EMC9: variants seen among roughly 807,000 people sequenced by gnomAD.
EMC9 encodes the protein UPF0172 protein FAM158A.
Under a neutral mutation model 25.0 loss-of-function variants are expected in EMC9, and 20 were observed. That is an observed-to-expected ratio of 0.80 (90% CI 0.56 to 1.16). The LOEUF is 1.16. Among genes scored for constraint, EMC9 ranks in the 50% most tolerant of loss-of-function variants. The pLI is 0.00. For missense variants in EMC9, 256 were observed against 268.7 expected (o/e 0.95, Z 0.33); for synonymous variants, 100 against 107.0 (o/e 0.93, Z 0.40).
At position 24,139,072 on chromosome 14, in the gene EMC9, G is replaced by A. The variant is rs1566603625; in HGVS notation, c.565C>T (p.Gln189Ter). 6.2e-7 allele frequency: 1 copy of A among 1,614,030 alleles called. No individual in the cohort carries two copies. The highest frequency in any genetic ancestry group is 1.3e-5 in the African/African-American group (1 of 75,038). The change falls in exon 6 of 6, where the codon CAG (glutamine) becomes TAG (stop). Residue 189 changes from glutamine to a stop codon, truncating the protein, a stop_gained. Coordinates refer to ENST00000216799, the MANE Select transcript of EMC9 (RefSeq NM_016049.4). LOFTEE classifies it high-confidence loss of function. This position sits in a 1 kb window ranked among gnomAD's most constrained non-coding sequence, Gnocchi z 4.6. Reference protein sequence around the residue: ...LDDIRQDWTNQRLNTQITQWV... With the variant: ...LDDIRQDWTN ...TGGGTGATTTGAGTGTTGAGCCGCT[G>A]GTTGGTCCAGTCCTGCCGGATGTCA...
rs2038059658 is a variant in EMC9 at position 24,141,420 on chromosome 14, T to G, written c.-13+18A>C. 1 of 1,091,740 alleles carries G rather than the reference T, an allele frequency of 9.2e-7. No homozygotes were observed. The highest frequency in any genetic ancestry group is 1.3e-6 in the Non-Finnish European group (1 of 746,220). The allele number at this position is 1,091,740 out of a possible 1,614,324, so 67.6% of individuals were successfully genotyped here. A position where few individuals can be genotyped will look rare whatever the true frequency, so the allele number is the denominator to read the frequency against. On this transcript the variant is annotated intron_variant, in intron 1 of 5. Transcript: ENST00000216799. The stretch of plus-strand genomic sequence containing the variant: ...AGCGCTTCGGCACGCTCTTTGACCC[T>G]TCCCCGTGCCCTCTCACTTCGGTTC...
At position 24,141,217 on chromosome 14, in the gene EMC9, A is replaced by G; in HGVS notation, c.88T>C (p.Phe30Leu). ...RYPHAAVNGL[F>L]LAPAPRSGEC... ...CCAGACCGCGGCGCTGGCGCCAAAAACAGCCCGTTGACTGCGGCGTGTGGG... is the reference window on the plus strand; with the variant it reads ...CCAGACCGCGGCGCTGGCGCCAAAAGCAGCCCGTTGACTGCGGCGTGTGGG... Residue 30 changes from phenylalanine to leucine, a missense_variant, in exon 2 of 6, where the codon TTT becomes CTT. Physicochemically the swap from Phe to Leu is conservative, Grantham distance 22 (BLOSUM62 0). Transcript: ENST00000216799. 1 of 1,614,096 alleles carries G rather than the reference A, an allele frequency of 6.2e-7. No homozygotes were observed. The highest frequency in any genetic ancestry group is 8.5e-7 in the Non-Finnish European group (1 of 1,180,026).
chr14:24,140,027 G>C, intron 3 of EMC9: 1 of 362,188 alleles, frequency 2.8e-6, no homozygotes, highest in Non-Finnish European at 5.4e-6. Flanking sequence ...TTCATATTCA[G>C]ACTATATAGC....
Position 24,139,998 on chromosome 14 carries a change from TTAAA to T in EMC9, c.276-388_276-385del. 5.3e-6 allele frequency: 2 copies of T among 379,580 alleles called. No homozygotes were observed. The highest frequency in any genetic ancestry group is 2.0e-5 in the South Asian group (1 of 50,102). The allele number at this position is 379,580 out of a possible 1,614,324, so 23.5% of individuals were successfully genotyped here. A position where few individuals can be genotyped will look rare whatever the true frequency, so the allele number is the denominator to read the frequency against. ...GGAAACAACCTCAATGTTTAAAGTA[TTAAA>T]TAAATTAGAGTACATTCATATTCAG... On this transcript the variant is annotated intron_variant, in intron 3 of 5. Coordinates refer to ENST00000216799, the MANE Select transcript of EMC9 (RefSeq NM_016049.4). The surrounding 1 kb of genome is among the most constrained non-coding windows in gnomAD (Gnocchi z 4.6).
Position 24,141,295 on chromosome 14 carries a change from C to T in EMC9, c.10G>A (p.Val4Met), listed in dbSNP as rs201156081. Residue 4 changes from valine to methionine, a missense_variant, in exon 2 of 6, where the codon GTG becomes ATG. By Grantham distance (21) the Val-to-Met change is conservative (BLOSUM62 1). Coordinates refer to ENST00000216799, the MANE Select transcript of EMC9 (RefSeq NM_016049.4). ...ACGTAGGCCAGGGCCGAGATCTCCA[C>T]CTCCCCCATGGCGAGCGAGGCCTGG... MGE[V>M]EISALAYVKM... is the part of the protein sequence containing the mutation. 6 of 1,613,984 alleles carry T rather than the reference C, an allele frequency of 3.7e-6. No individual in the cohort carries two copies. The highest frequency in any genetic ancestry group is 5.1e-6 in the Non-Finnish European group (6 of 1,180,034).
At position 24,141,004 on chromosome 14, in the gene EMC9, C is replaced by T. The variant is rs747509999; in HGVS notation, c.199-39G>A. On this transcript the variant is annotated intron_variant, in intron 2 of 5. Coordinates refer to ENST00000216799, the MANE Select transcript of EMC9 (RefSeq NM_016049.4). ...GGGGCCATCAGTAATTAAATTGTGC[C>T]GCTGGCTTTGTGGATGCGCACTGCT... 7 of 1,614,024 alleles carry T rather than the reference C, an allele frequency of 4.3e-6. No homozygotes were observed. The East Asian group carries it at 1.3e-4, about 31-fold the overall frequency.
intron 3 of EMC9, 151 bp downstream of exon 3, chr14:24,140,737 TA>T: frequency 1.3e-6 from 1 of 771,140 alleles, no homozygotes; most frequent in Non-Finnish European, 2.1e-6. Flanking sequence ...CCCCTGCTCC[TA>T]AGCGTTTGAT....
chr14:24,140,986 T>C (rs1271528459), intron 2 of EMC9, 21 bp from the exon 3 acceptor site: 1 of 1,614,060 alleles, frequency 6.2e-7, no homozygotes, highest in Non-Finnish European at 8.5e-7. Context: ...AAAGGGGCCA[T>C]CAGTAATTAA....
At position 24,141,280 on chromosome 14, in the gene EMC9, G is replaced by A; in HGVS notation, c.25C>T (p.Leu9=). The change falls in exon 2 of 6, where the codon CTG becomes TTG. Residue 9 remains leucine (L), a synonymous_variant. Coordinates refer to ENST00000216799, the MANE Select transcript of EMC9 (RefSeq NM_016049.4). The part of the protein sequence containing the change: MGEVEISA[L]AYVKMCLHAA... ...TGCAGGCACATCTTCACGTAGGCCA[G>A]GGCCGAGATCTCCACCTCCCCCATG... The A allele has an allele frequency of 1.4e-6, 2 of 1,478,366 alleles. No individual in the cohort carries two copies. Among genetic ancestry groups the A allele is most frequent in the South Asian group, 1.4e-5 (1 of 72,278 alleles). 91.6% of individuals were successfully genotyped at this position (1,478,366 alleles called of 1,614,324 possible). A position where few individuals can be genotyped will look rare whatever the true frequency, so the allele number is the denominator to read the frequency against.
Position 24,141,273 on chromosome 14 carries a change from T to C in EMC9, c.32A>G (p.Tyr11Cys), listed in dbSNP as rs1324386920. 3 of 1,541,252 alleles carry C rather than the reference T, an allele frequency of 1.9e-6. No individual in the cohort carries two copies. In the Admixed American group the frequency reaches 5.6e-5, roughly 29 times the overall value. Residue 11 changes from tyrosine to cysteine, a missense_variant, in exon 2 of 6, where the codon TAC becomes TGC. Transcript: ENST00000216799. ...GGCAGCATGCAGGCACATCTTCACG[T>C]AGGCCAGGGCCGAGATCTCCACCTC... MGEVEISALA[Y>C]VKMCLHAARY...
At chr14:24,141,407 C>A in intron 1 of EMC9, 31 bp downstream of exon 1, 10 of 1,220,504 alleles carry the variant, frequency 8.2e-6, no homozygotes, top group Non-Finnish European at 1.2e-5. Flanking sequence ...CGCTTCGGCA[C>A]GCTCTTTGAC....
Position 24,141,571 on chromosome 14 carries a change from C to T in EMC9, c.-146G>A, listed in dbSNP as rs1267787156. The T allele has an allele frequency of 3.4e-6, 2 of 582,584 alleles. No individual in the cohort carries two copies. The highest frequency in any genetic ancestry group is 2.9e-5 in the East Asian group (1 of 35,024). 36.1% of individuals were successfully genotyped at this position (582,584 alleles called of 1,614,324 possible). ...ATCCGAGCCCCGCCTTCCCGCGCCC[C>T]TAGCTGGCGGCCGCGACTCTGCGCC... On this transcript the variant is annotated 5_prime_UTR_variant, in exon 1 of 6. Coordinates refer to ENST00000216799, the MANE Select transcript of EMC9 (RefSeq NM_016049.4).
chr14:24,139,799 A>G lies in EMC9; in HGVS notation c.276-185T>C. The stretch of plus-strand genomic sequence containing the variant: ...GCTTGATGCTTGAGTGCTGTGGGAG[A>G]CAGGTGCTCAGATATTGCTGGTGAG... On this transcript the variant is annotated intron_variant, in intron 3 of 5. Coordinates refer to ENST00000216799, the MANE Select transcript of EMC9 (RefSeq NM_016049.4). This position sits in a 1 kb window ranked among gnomAD's most constrained non-coding sequence, Gnocchi z 4.6. The G allele has an allele frequency of 3.3e-6, 5 of 1,522,230 alleles. No homozygotes were observed. The highest frequency in any genetic ancestry group is 4.4e-6 in the Non-Finnish European group (5 of 1,125,560). The allele number at this position is 1,522,230 out of a possible 1,614,324, so 94.3% of individuals were successfully genotyped here.
chr14:24,140,759 T>G, intron 3 of EMC9, 130 bp downstream of exon 3: 1 of 973,206 alleles, frequency 1.0e-6, no homozygotes, highest in East Asian at 2.6e-5. Flanking sequence ...GAAGGAAAGA[T>G]AAAAGGAACG....
In EMC9 at chr14:24,139,811, A is replaced by G; in HGVS notation, c.276-197T>C. Reference sequence around the variant, plus strand: ...AGTGCTGTGGGAGACAGGTGCTCAGATATTGCTGGTGAGAGTGGAAACCAA... The same window carrying G: ...AGTGCTGTGGGAGACAGGTGCTCAGGTATTGCTGGTGAGAGTGGAAACCAA... On this transcript the variant is annotated intron_variant, in intron 3 of 5. Transcript: ENST00000216799. The surrounding 1 kb of genome is among the most constrained non-coding windows in gnomAD (Gnocchi z 4.6). 6.6e-7 allele frequency: 1 copy of G among 1,508,116 alleles called. No homozygotes were observed. Among genetic ancestry groups the G allele is most frequent in the Non-Finnish European group, 9.0e-7 (1 of 1,114,312 alleles). 93.4% of individuals were successfully genotyped at this position (1,508,116 alleles called of 1,614,324 possible).
chr14:24,139,423 C>A lies in EMC9; in HGVS notation c.377G>T (p.Arg126Leu), dbSNP rs756205254. The change falls in exon 5 of 6, where the codon CGT (arginine) becomes CTT (leucine). Residue 126 changes from arginine (R) to leucine (L), a missense_variant. Arg to Leu is a moderately radical substitution (Grantham distance 102). Transcript: ENST00000216799. The surrounding 1 kb of genome is among the most constrained non-coding windows in gnomAD (Gnocchi z 4.6). ...CTCCAGGACGATGACCGGGGGCACA[C>A]GAGGCTGAGGCACCAGTTTCTGATT... ...LDNQKLVPQP[R>L]VPPVIVLENQ... 3.1e-6 allele frequency: 5 copies of A among 1,614,122 alleles called. No homozygotes were observed. The highest frequency in any genetic ancestry group is 2.2e-5 in the East Asian group (1 of 44,882).
rs751965606 is a variant in EMC9 at position 24,139,517 on chromosome 14, C to G, written c.345+28G>C. ...GTCCCCCCACCCTACTTGCTTTTCA[C>G]CTCCCCACCCAGAAACCCAAGCCTC... On this transcript the variant is annotated intron_variant, in intron 4 of 5. Coordinates refer to ENST00000216799, the MANE Select transcript of EMC9 (RefSeq NM_016049.4). This position sits in a 1 kb window ranked among gnomAD's most constrained non-coding sequence, Gnocchi z 4.6. The G allele has an allele frequency of 6.2e-7, 1 of 1,612,342 alleles. No individual in the cohort carries two copies. Among genetic ancestry groups the G allele is most frequent in the Non-Finnish European group, 8.5e-7 (1 of 1,179,038 alleles).
At position 24,141,250 on chromosome 14, in the gene EMC9, C is replaced by G. The variant is rs771180140; in HGVS notation, c.55G>C (p.Ala19Pro). The G allele has an allele frequency of 6.2e-7, 1 of 1,614,164 alleles. No individual in the cohort carries two copies. Among genetic ancestry groups the G allele is most frequent in the Non-Finnish European group, 8.5e-7 (1 of 1,180,024 alleles). Residue 19 changes from alanine (A) to proline (P), a missense_variant, in exon 2 of 6, where the codon GCC becomes CCC. Physicochemically the swap from Ala to Pro is conservative, Grantham distance 27. Transcript: ENST00000216799. ...LAYVKMCLHA[A>P]RYPHAAVNGL... is the part of the protein sequence containing the mutation. ...TTGACTGCGGCGTGTGGGTACCGGG[C>G]AGCATGCAGGCACATCTTCACGTAG...
chr14:24,140,971 G>T lies in EMC9; in HGVS notation c.199-6C>A, dbSNP rs753624343. 1 of 1,614,224 alleles carries T rather than the reference G, an allele frequency of 6.2e-7. No homozygotes were observed. Among genetic ancestry groups the T allele is most frequent in the Non-Finnish European group, 8.5e-7 (1 of 1,180,042 alleles). ...TGTGCTCCCCACACATCCACCTGTC[G>T]TAGGAAAGGGGCCATCAGTAATTAA... On this transcript the variant is annotated splice_region_variant and splice_polypyrimidine_tract_variant and intron_variant, in intron 2 of 5. Transcript: ENST00000216799.
Sources: allele counts gnomAD v4.1 joint callset, GRCh38; gene constraint gnomAD v4.1.1; non-coding constraint Gnocchi (gnomAD v3.1); transcripts MANE v1.5; gene names NCBI Gene and HGNC (gene_info 2026-07-23, HGNC 2026-07-21).